The following VWC2L variants were observed in gnomAD, a reference collection of about 807,000 sequenced individuals.
VWC2L encodes the protein von Willebrand factor C domain-containing protein 2-like.
In VWC2L, 10 loss-of-function variants were observed where a neutral mutation model predicts 21.6. The observed-to-expected ratio is 0.46, with a 90% CI of 0.29 to 0.78. VWC2L has a LOEUF of 0.78. Ranked by LOEUF, VWC2L falls within the 30% of genes least tolerant of loss-of-function variation. The pLI is 0.10. For missense variants in VWC2L, 209 were observed against 277.1 expected, an observed-to-expected ratio of 0.75 and a Z score of 1.74; for synonymous variants, 96 against 94.3, an observed-to-expected ratio of 1.02 and a Z score of -0.10.
intron 3 of VWC2L, chr2:214,510,324 T>C (rs1689033396): frequency 6.6e-6 from 1 of 152,202 alleles, no homozygotes; most frequent in African/African-American, 2.4e-5. Context: ...CTTTATGCAT[T>C]AATGAGTAGG....
At chr2:214,547,742 G>T (rs1317808098) in intron 3 of VWC2L, among the ~76,000 whole-genome samples, 2 of 152,158 alleles carry the variant, frequency 1.3e-5, no homozygotes, top group African/African-American at 4.8e-5. Flanking sequence ...GATATTCCAT[G>T]GGAATCAAAT....
intron 3 of VWC2L, among the ~76,000 whole-genome samples, chr2:214,563,980 T>C (rs960166196): frequency 6.6e-6 from 1 of 152,006 alleles, no homozygotes; most frequent in Non-Finnish European, 1.5e-5. Context: ...GATGAACAAC[T>C]AAAATCAACG....
chr2:214,480,482 C>T lies in VWC2L; in HGVS notation c.520+43724C>T, dbSNP rs573785455. On this transcript the variant is annotated intron_variant, in intron 3 of 3. Coordinates refer to ENST00000312504, the MANE Select transcript of VWC2L (RefSeq NM_001080500.4). Reference sequence around the variant, plus strand: ...ATATGTTAGCATTCAGGTTCATCTGCGAATATTAGAAAAGCCCAAAGAATC... The same window carrying T: ...ATATGTTAGCATTCAGGTTCATCTGTGAATATTAGAAAAGCCCAAAGAATC... Among the ~76,000 whole-genome samples, 11 of 152,178 alleles carry T rather than the reference C, an allele frequency of 7.2e-5. No homozygotes were observed. The South Asian group carries it at 1.0e-3, about 14-fold the overall frequency.
In VWC2L at chr2:214,412,362, A is replaced by G. The variant is rs1262743281; in HGVS notation, c.-81+576A>G. Among the ~76,000 whole-genome samples the G allele has an allele frequency of 3.3e-5, 5 of 152,132 alleles. No individual in the cohort carries two copies. In the East Asian group the frequency reaches 9.6e-4, roughly 29 times the overall value. On this transcript the variant is annotated intron_variant, in intron 1 of 3. Transcript: ENST00000312504. ...GTAGCTTTCTTTTCCTCCAAGATAA[A>G]CTTTCTAAATATGTGATGTATAAAT...
chr2:214,553,177 TC>T (rs1299038307), intron 3 of VWC2L, among the ~76,000 whole-genome samples: 2 of 152,142 alleles, frequency 1.3e-5, no homozygotes, highest in Non-Finnish European at 2.9e-5. Flanking sequence ...GTGCCTTCTA[TC>T]CCCACCCCAC....
chr2:214,440,910 T>G (rs914412577), intron 3 of VWC2L, among the ~76,000 whole-genome samples: 1 of 152,144 alleles, frequency 6.6e-6, no homozygotes, highest in Non-Finnish European at 1.5e-5. Context: ...GAGTTCTGTG[T>G]TTTCACTGGA....
At chr2:214,417,752 G>A (rs1702379123) in intron 2 of VWC2L, among the ~76,000 whole-genome samples, 1 of 152,104 alleles carries the variant, frequency 6.6e-6, no homozygotes. Context: ...AGAATAATAG[G>A]AAATAAAATG....
intron 2 of VWC2L, among the ~76,000 whole-genome samples, chr2:214,435,430 G>A (rs1175644548): frequency 6.6e-6 from 1 of 152,104 alleles, no homozygotes; most frequent in Non-Finnish European, 1.5e-5. Flanking sequence ...TTAAAGTTAG[G>A]CTGTCATTCT....
chr2:214,537,981 T>TGCTC (rs1163057861), intron 3 of VWC2L, among the ~76,000 whole-genome samples: 2 of 148,344 alleles, frequency 1.3e-5, no homozygotes, highest in Admixed American at 6.9e-5. Context: ...TCATCACACA[T>TGCTC]GCTCATTCTC....
intron 3 of VWC2L, among the ~76,000 whole-genome samples, chr2:214,540,088 C>G (rs1053667609): frequency 9.2e-5 from 14 of 152,010 alleles, no homozygotes; most frequent in Non-Finnish European, 2.1e-4. Context: ...GTGAGAGGCC[C>G]ATGTAAAATA....
chr2:214,536,393 T>C lies in VWC2L; in HGVS notation c.521-39279T>C, dbSNP rs777993904. Among the ~76,000 whole-genome samples the C allele has an allele frequency of 3.9e-5, 6 of 152,200 alleles. 1 individual carries two copies. The highest frequency in any genetic ancestry group is 6.6e-5 in the Admixed American group (1 of 15,258). ...ATGAATTAAAGCAAAGTTCATGACA[T>C]TGAAAACACCTTGTAGTGTTTAGAT... On this transcript the variant is annotated intron_variant, in intron 3 of 3. Transcript: ENST00000312504.
chr2:214,424,660 CT>C (rs565560925), intron 2 of VWC2L, among the ~76,000 whole-genome samples: 8 of 152,142 alleles, frequency 5.3e-5, no homozygotes, highest in East Asian at 1.9e-4. Flanking sequence ...CAGTAGAACA[CT>C]TTTTTTTCTC....
intron 3 of VWC2L, among the ~76,000 whole-genome samples, chr2:214,557,415 G>GGGAGC (rs1689890927): frequency 6.6e-6 from 1 of 152,056 alleles, no homozygotes; most frequent in South Asian, 2.1e-4. Flanking sequence ...TGTGAATCAT[G>GGGAGC]GGAGCTACAA....
chr2:214,567,037 G>A (rs1690073080), intron 3 of VWC2L, among the ~76,000 whole-genome samples: 1 of 152,114 alleles, frequency 6.6e-6, no homozygotes, highest in South Asian at 2.1e-4. Flanking sequence ...AATATAGGAT[G>A]TTTATGGCTT....
At chr2:214,503,734 A>AAG (rs1354760824) in intron 3 of VWC2L, among the ~76,000 whole-genome samples, 1 of 151,982 alleles carries the variant, frequency 6.6e-6, no homozygotes, top group African/African-American at 2.4e-5. Flanking sequence ...AAATGAGAAA[A>AAG]AAAAAAAAAC....
At chr2:214,550,665 G>C (rs1331232651) in intron 3 of VWC2L, among the ~76,000 whole-genome samples, 1 of 152,092 alleles carries the variant, frequency 6.6e-6, no homozygotes, top group Non-Finnish European at 1.5e-5. Flanking sequence ...TGTACTAAAC[G>C]AAGATTTTTT....
intron 2 of VWC2L, among the ~76,000 whole-genome samples, chr2:214,432,776 C>A (rs908253470): frequency 1.3e-5 from 2 of 152,138 alleles, no homozygotes; most frequent in Non-Finnish European, 1.5e-5. Context: ...AGTCCTAGCA[C>A]TTTGGGAGGC....
intron 3 of VWC2L, among the ~76,000 whole-genome samples, chr2:214,502,140 A>AT (rs1436325694): frequency 6.6e-6 from 1 of 152,052 alleles, no homozygotes; most frequent in East Asian, 1.9e-4. Flanking sequence ...AATATTTTTC[A>AT]TTTTTTCCTC....
chr2:214,444,860 AAATTT>A (rs1702815655), intron 3 of VWC2L, among the ~76,000 whole-genome samples: 1 of 152,036 alleles, frequency 6.6e-6, no homozygotes, highest in African/African-American at 2.4e-5. Context: ...AGATAAAAAT[AAATTT>A]AAGTTGGATT....
Sources: allele counts gnomAD v4.1 joint callset (sites outside exome capture counted in the v4.1 genomes callset), GRCh38; gene constraint gnomAD v4.1.1; transcripts MANE v1.5; gene names NCBI Gene and HGNC (gene_info 2026-07-23, HGNC 2026-07-21).